The following RP1L1 variants were observed in gnomAD, a reference collection of about 807,000 sequenced individuals.
The protein encoded by RP1L1 is retinitis pigmentosa 1-like 1 protein.
RP1L1 carries 27 observed loss-of-function variants against 15.7 expected under a neutral mutation model. That is an observed-to-expected ratio of 1.72 (90% CI 1.27 to 2.38). RP1L1 has a LOEUF of 2.38. Ranked by LOEUF, RP1L1 falls within the 30% of genes most tolerant of loss-of-function variation. The pLI is 0.00. For synonymous variants in RP1L1, 1,813 were observed against 1,276.7 expected (o/e 1.42, Z -8.96); for missense variants, 4,798 against 3,075.9 (o/e 1.56, Z -13.24).
intron 1 of RP1L1, among the ~76,000 whole-genome samples, chr8:10,636,571 C>T (rs554811329): frequency 6.6e-5 from 10 of 152,190 alleles, no homozygotes; most frequent in South Asian, 4.1e-4. Context: ...GAGGACTCTC[C>T]TTCACAACGG....
In RP1L1 at chr8:10,623,251, G is replaced by C. The variant is rs377060686; in HGVS notation, c.-19-31C>G. The C allele has an allele frequency of 9.8e-5, 146 of 1,492,570 alleles. No individual in the cohort carries two copies. In the African/African-American group the frequency reaches 1.8e-3, roughly 18 times the overall value. 92.5% of individuals were successfully genotyped at this position (1,492,570 alleles called of 1,614,324 possible). ...ACAGGGCAGAGGAAGAGGGGTCAGAGAGCAGCTTGGGGGATTGGCATTTCC... is the reference window on the plus strand; with the variant it reads ...ACAGGGCAGAGGAAGAGGGGTCAGACAGCAGCTTGGGGGATTGGCATTTCC... On this transcript the variant is annotated intron_variant, in intron 1 of 3. Transcript: ENST00000382483.
chr8:10,640,800 A>G (rs964755791), intron 1 of RP1L1, among the ~76,000 whole-genome samples: 1 of 152,258 alleles, frequency 6.6e-6, no homozygotes, highest in African/African-American at 2.4e-5. Flanking sequence ...TCTTTGAAAC[A>G]GGGTCTGTCG....
intron 1 of RP1L1, among the ~76,000 whole-genome samples, chr8:10,650,431 C>T (rs953713681): frequency 2.0e-5 from 3 of 152,130 alleles, no homozygotes; most frequent in Admixed American, 6.6e-5. Context: ...TGCAAACTTG[C>T]GTTATCCACA....
chr8:10,649,515 G>A (rs1429367948), intron 1 of RP1L1, among the ~76,000 whole-genome samples: 1 of 152,206 alleles, frequency 6.6e-6, no homozygotes, highest in Non-Finnish European at 1.5e-5. Context: ...GAGGCTGCTC[G>A]ATGGTGGGTT....
chr8:10,616,657 G>A, intron 2 of RP1L1, 70 bp from the exon 3 acceptor site: 3 of 1,517,190 alleles, frequency 2.0e-6, no homozygotes, highest in South Asian at 1.2e-5. Context: ...GCCTGGGGGA[G>A]GAAGGATCCA....
chr8:10,646,638 G>C lies in RP1L1; in HGVS notation c.-20+8260C>G, dbSNP rs533798703. On this transcript the variant is annotated intron_variant, in intron 1 of 3. Coordinates refer to ENST00000382483, the MANE Select transcript of RP1L1 (RefSeq NM_178857.6). The stretch of plus-strand genomic sequence containing the variant: ...AAGTGGTGTGGACGGAGGGGACCGA[G>C]CCAGCCCCTCTAAAGTCCAGGGCCT... Among the ~76,000 whole-genome samples, 5 of 152,156 alleles carry C rather than the reference G, an allele frequency of 3.3e-5. No individual in the cohort carries two copies. The South Asian group carries it at 1.0e-3, about 32-fold the overall frequency.
intron 1 of RP1L1, among the ~76,000 whole-genome samples, chr8:10,623,920 C>T (rs189332155): frequency 1.3e-5 from 2 of 151,446 alleles, no homozygotes; most frequent in African/African-American, 2.4e-5. Flanking sequence ...ATCACCATGT[C>T]CCAGAACCAC....
In RP1L1 at chr8:10,629,401, A is replaced by G. The variant is rs73662884; in HGVS notation, c.-19-6181T>C. ...AGCAAAGAACATCAAGACGAAAAGT[A>G]AATGGGAAGGAATAGGGAGAAGCTG... On this transcript the variant is annotated intron_variant, in intron 1 of 3. Coordinates refer to ENST00000382483, the MANE Select transcript of RP1L1 (RefSeq NM_178857.6). Among the ~76,000 whole-genome samples the G allele has an allele frequency of 5.9e-3, 891 of 152,274 alleles. 10 individuals are homozygous for G. Among genetic ancestry groups the G allele is most frequent in the African/African-American group, 0.02 (816 of 41,554 alleles).
chr8:10,616,122 G>A (rs182472693), intron 3 of RP1L1, among the ~76,000 whole-genome samples: 231 of 152,002 alleles, frequency 1.5e-3, no homozygotes, highest in African/African-American at 5.2e-3. Context: ...TTGCCCAGGC[G>A]GGTGTCCAAC....
At chr8:10,640,606 T>C (rs13261224) in intron 1 of RP1L1, among the ~76,000 whole-genome samples, 17 of 151,652 alleles carry the variant, frequency 1.1e-4, no homozygotes, top group Non-Finnish European at 2.9e-5. Flanking sequence ...TGAGCCAAGA[T>C]CACGCCACTG....
chr8:10,621,609 C>T (rs758069482), intron 2 of RP1L1: 29 of 432,128 alleles, frequency 6.7e-5, no homozygotes, highest in South Asian at 1.5e-4. Flanking sequence ...TACAGGCGTG[C>T]GCCACTGTGC....
In RP1L1 at chr8:10,610,627, C is replaced by T; in HGVS notation, c.3471G>A (p.Leu1157=). 6.2e-7 allele frequency: 1 copy of T among 1,612,336 alleles called. No homozygotes were observed. The highest frequency in any genetic ancestry group is 8.5e-7 in the Non-Finnish European group (1 of 1,179,360). The part of the protein sequence containing the change: ...YQELLSISKD[L]WPGCDVGEDQ... ...CTTCCCCAACGTCACATCCTGGCCA[C>T]AGGTCCTTCGAGATGCTGAGCAGCT... Residue 1157 remains leucine (L), a synonymous_variant, in exon 4 of 4, where the codon CTG becomes CTA. Coordinates refer to ENST00000382483, the MANE Select transcript of RP1L1 (RefSeq NM_178857.6).
In RP1L1 at chr8:10,610,115, T is replaced by G. The variant is rs141205444; in HGVS notation, c.3983A>C (p.Glu1328Ala). The change falls in exon 4 of 4, where the codon GAA becomes GCA. Residue 1328 changes from glutamate (E) to alanine (A), a missense_variant. Coordinates refer to ENST00000382483, the MANE Select transcript of RP1L1 (RefSeq NM_178857.6). ...EAVQLEETKT[E>A]EGLQEEGVQL... ...CACCCCCTCTTCTTGCAGCCCTTCTTCTGTTTTAGTTTCCTCTAACTGCAC... is the reference window on the plus strand; with the variant it reads ...CACCCCCTCTTCTTGCAGCCCTTCTGCTGTTTTAGTTTCCTCTAACTGCAC... 1.1e-4 allele frequency: 117 copies of G among 1,051,458 alleles called. 18 individuals carry two copies. The highest frequency in any genetic ancestry group is 9.4e-4 in the East Asian group (27 of 28,662). The allele number at this position is 1,051,458 out of a possible 1,614,324, so 65.1% of individuals were successfully genotyped here.
intron 3 of RP1L1, among the ~76,000 whole-genome samples, chr8:10,615,058 G>C (rs1300819582): frequency 1.3e-5 from 2 of 152,196 alleles, no homozygotes; most frequent in African/African-American, 4.8e-5. Flanking sequence ...GCTTTGCCCA[G>C]TCCTGGCCCT....
chr8:10,646,022 C>T (rs1441353074), intron 1 of RP1L1, among the ~76,000 whole-genome samples: 1 of 152,220 alleles, frequency 6.6e-6, no homozygotes, highest in Non-Finnish European at 1.5e-5. Context: ...CTGAGCCTCC[C>T]GCTGGTCACC....
chr8:10,647,557 T>A (rs1198951503), intron 1 of RP1L1, among the ~76,000 whole-genome samples: 2 of 152,196 alleles, frequency 1.3e-5, no homozygotes, highest in Non-Finnish European at 2.9e-5. Flanking sequence ...ATCTGACACC[T>A]CTAGGAACTT....
At position 10,623,177 on chromosome 8, in the gene RP1L1, G is replaced by C; in HGVS notation, c.25C>G (p.Gln9Glu). 6.4e-7 allele frequency: 1 copy of C among 1,572,504 alleles called. No homozygotes were observed. Among genetic ancestry groups the C allele is most frequent in the Non-Finnish European group, 8.6e-7 (1 of 1,158,256 alleles). The part of the protein sequence containing the change: MNSTPRNA[Q>E]APSHRECFLP... ...AAGCACTCACGGTGGCTCGGGGCCTGGGCATTCCTGGGGGTGCTGTTCATG... is the reference window on the plus strand; with the variant it reads ...AAGCACTCACGGTGGCTCGGGGCCTCGGCATTCCTGGGGGTGCTGTTCATG... The change falls in exon 2 of 4, where the codon CAG (glutamine) becomes GAG (glutamate). Residue 9 changes from glutamine (Q) to glutamate (E), a missense_variant. Physicochemically the swap from Gln to Glu is conservative, Grantham distance 29. Coordinates refer to ENST00000382483, the MANE Select transcript of RP1L1 (RefSeq NM_178857.6).
At position 10,610,952 on chromosome 8, in the gene RP1L1, T is replaced by C. The variant is rs774835263; in HGVS notation, c.3146A>G (p.Glu1049Gly). The C allele has an allele frequency of 1.6e-5, 26 of 1,611,858 alleles. No homozygotes were observed. The East Asian group carries it at 3.8e-4, about 24-fold the overall frequency. The change falls in exon 4 of 4, where the codon GAG becomes GGG. Residue 1049 changes from glutamate to glycine, a missense_variant. Physicochemically the swap from Glu to Gly is moderately conservative, Grantham distance 98. Transcript: ENST00000382483. The stretch of plus-strand genomic sequence containing the variant: ...CTCTGCAGGGGCCTCGGAAACTCCC[T>C]CTGGAGCTGCCCCTTGGGGGACACC... ...GEGVPQGAAP[E>G]GVSEAPAEAG...
intron 1 of RP1L1, among the ~76,000 whole-genome samples, chr8:10,631,015 C>T (rs1798232492): frequency 6.6e-6 from 1 of 152,138 alleles, no homozygotes; most frequent in South Asian, 2.1e-4. Flanking sequence ...GAATGCCTGG[C>T]TCTCAGGGGG....
Sources: gnomAD v4.1 joint callset for allele counts (sites outside exome capture counted in the v4.1 genomes callset) on GRCh38, gnomAD v4.1.1 for gene constraint, MANE v1.5 for transcripts, NCBI Gene and HGNC (gene_info 2026-07-23, HGNC 2026-07-21) for gene names.